The following PACRG variants were observed in gnomAD, a reference collection of about 807,000 sequenced individuals.
PACRG encodes the protein parkin coregulated gene protein.
A neutral mutation model predicts 29.7 loss-of-function variants in PACRG; 29 were observed. That is an observed-to-expected ratio of 0.98 (90% confidence interval 0.73 to 1.33). The LOEUF (loss-of-function observed/expected upper bound fraction) is 1.33. Ranked by LOEUF, PACRG falls within the 40% of genes most tolerant of loss-of-function variation. PACRG has a pLI of 0.00. For synonymous variants in PACRG, 116 were observed against 118.7 expected (o/e 0.98, Z 0.15); for missense variants, 279 against 316.2 (o/e 0.88, Z 0.89).
At chr6:163,270,317 A>T (rs1345600059) in intron 4 of PACRG, among the ~76,000 whole-genome samples, 1 of 152,208 alleles carries the variant, frequency 6.6e-6, no homozygotes, top group Non-Finnish European at 1.5e-5. Flanking sequence ...CATCACGAAA[A>T]CTTAAAAATA....
At chr6:162,943,581 C>T (rs1221241459) in intron 2 of PACRG, among the ~76,000 whole-genome samples, 1 of 152,132 alleles carries the variant, frequency 6.6e-6, no homozygotes, top group Non-Finnish European at 1.5e-5. Flanking sequence ...GCCTGGGGAT[C>T]ACCCTGTCAC....
intron 1 of PACRG, among the ~76,000 whole-genome samples, chr6:162,813,281 T>C (rs934961278): frequency 4.6e-5 from 7 of 152,172 alleles, no homozygotes; most frequent in African/African-American, 1.4e-4. Context: ...AGCTAATATA[T>C]AAAATGACTA....
chr6:163,030,835 G>A (rs560229804), intron 2 of PACRG, among the ~76,000 whole-genome samples: 1 of 152,302 alleles, frequency 6.6e-6, no homozygotes, highest in African/African-American at 2.4e-5. Flanking sequence ...ACGACCAGAG[G>A]TCACTTTCAT....
intron 2 of PACRG, among the ~76,000 whole-genome samples, chr6:162,933,326 T>C (rs1005343432): frequency 6.6e-6 from 1 of 152,108 alleles, no homozygotes; most frequent in Admixed American, 6.5e-5. Flanking sequence ...TATATTACAG[T>C]TGATGAAATG....
chr6:162,867,684 A>G (rs1792417319), intron 2 of PACRG, among the ~76,000 whole-genome samples: 1 of 152,234 alleles, frequency 6.6e-6, no homozygotes, highest in South Asian at 2.1e-4. Context: ...AACTGAAATG[A>G]GATTTTAAAA....
chr6:162,735,707 A>G (rs567939234), intron 1 of PACRG, among the ~76,000 whole-genome samples: 2 of 152,110 alleles, frequency 1.3e-5, no homozygotes, highest in Non-Finnish European at 2.9e-5. Flanking sequence ...TTTCCTTTCC[A>G]TTCTCAATAA....
At chr6:163,140,748 C>T (rs983218997) in intron 4 of PACRG, among the ~76,000 whole-genome samples, 8 of 151,778 alleles carry the variant, frequency 5.3e-5, no homozygotes, top group Non-Finnish European at 7.4e-5. Flanking sequence ...TGAGAGGTCC[C>T]GAAATCATGC....
intron 2 of PACRG, among the ~76,000 whole-genome samples, chr6:162,823,537 A>G (rs1219371905): frequency 6.9e-6 from 1 of 145,428 alleles, no homozygotes; most frequent in Non-Finnish European, 1.5e-5. Context: ...TTTGAGACAG[A>G]GTCTTGCTCT....
intron 1 of PACRG, among the ~76,000 whole-genome samples, chr6:162,752,865 C>CT (rs1488726760): frequency 6.6e-6 from 1 of 152,110 alleles, no homozygotes; most frequent in African/African-American, 2.4e-5. Context: ...TATGCTAGCT[C>CT]TTTGGATCCT....
intron 3 of PACRG, among the ~76,000 whole-genome samples, chr6:163,069,096 A>G (rs974880081): frequency 1.3e-5 from 2 of 152,094 alleles, no homozygotes; most frequent in African/African-American, 2.4e-5. Context: ...GAATCTCAGC[A>G]TTACTGGGCT....
intron 2 of PACRG, among the ~76,000 whole-genome samples, chr6:162,972,966 A>G (rs973883371): frequency 6.6e-6 from 1 of 152,232 alleles, no homozygotes; most frequent in African/African-American, 2.4e-5. Flanking sequence ...TTTATCCACC[A>G]TGTCATACTT....
chr6:163,295,946 A>G (rs1219279379), intron 4 of PACRG, among the ~76,000 whole-genome samples: 1 of 152,188 alleles, frequency 6.6e-6, no homozygotes, highest in Non-Finnish European at 1.5e-5. Flanking sequence ...CCATGCCCTG[A>G]GGCCCTGAGT....
chr6:162,999,825 C>G (rs193207766), intron 2 of PACRG, among the ~76,000 whole-genome samples: 1 of 152,300 alleles, frequency 6.6e-6, no homozygotes, highest in East Asian at 1.9e-4. Context: ...TCATGGCCTG[C>G]GCCTGGTATT....
intron 2 of PACRG, among the ~76,000 whole-genome samples, chr6:163,024,807 A>G (rs1016505057): frequency 6.6e-6 from 1 of 152,174 alleles, no homozygotes; most frequent in African/African-American, 2.4e-5. Flanking sequence ...CCTCATGAAC[A>G]TAGACACAAA....
At chr6:162,757,025 T>G (rs551254688) in intron 1 of PACRG, among the ~76,000 whole-genome samples, 159 of 152,288 alleles carry the variant, frequency 1.0e-3, no homozygotes, top group African/African-American at 3.7e-3. Context: ...TTTCTATTTC[T>G]GCAACAATAC....
rs139353345 is a variant in PACRG at position 162,961,989 on chromosome 6, C to G, written c.292-100161C>G. Among the ~76,000 whole-genome samples, 94 of 152,288 alleles carry G rather than the reference C, an allele frequency of 6.2e-4. 1 individual carries two copies. Among genetic ancestry groups the G allele is most frequent in the African/African-American group, 2.1e-3 (87 of 41,560 alleles). Reference sequence around the variant, plus strand: ...TATTTCTTGTGGTTCCTTAATCAACCATCATTTGCATCACTGCTAAACTTT... The same window carrying G: ...TATTTCTTGTGGTTCCTTAATCAACGATCATTTGCATCACTGCTAAACTTT... On this transcript the variant is annotated intron_variant, in intron 2 of 4. Coordinates refer to ENST00000366888, the MANE Select transcript of PACRG (RefSeq NM_001080379.2).
At chr6:163,175,873 A>G (rs940479209) in intron 4 of PACRG, among the ~76,000 whole-genome samples, 4 of 152,206 alleles carry the variant, frequency 2.6e-5, no homozygotes, top group African/African-American at 9.7e-5. Context: ...GTGGATCAAA[A>G]GATAAATGGG....
chr6:163,013,518 C>T (rs181753628), intron 2 of PACRG, among the ~76,000 whole-genome samples: 1 of 150,576 alleles, frequency 6.6e-6, no homozygotes, highest in Non-Finnish European at 1.5e-5. Context: ...CTGAAGTTAC[C>T]CTCAGATATA....
chr6:162,894,409 A>T (rs1478906143), intron 2 of PACRG, among the ~76,000 whole-genome samples: 1 of 152,258 alleles, frequency 6.6e-6, no homozygotes, highest in Non-Finnish European at 1.5e-5. Flanking sequence ...TTGTATCATT[A>T]TGTGATCATT....
Sources: allele counts gnomAD v4.1 joint callset (sites outside exome capture counted in the v4.1 genomes callset), GRCh38; gene constraint gnomAD v4.1.1; transcripts MANE v1.5; gene names NCBI Gene and HGNC (gene_info 2026-07-23, HGNC 2026-07-21).